KALRN: variants seen among roughly 807,000 people sequenced by gnomAD.
KALRN encodes kalirin RhoGEF kinase.
In KALRN, 70 loss-of-function variants were observed where a neutral mutation model predicts 353.7. That is an observed-to-expected ratio of 0.20 (90% CI 0.16 to 0.24). The LOEUF (loss-of-function observed/expected upper bound fraction) is 0.24, where lower values mean the gene tolerates loss of function less well. Ranked by LOEUF, KALRN falls within the 10% of genes least tolerant of loss-of-function variation. The pLI is 1.00. For synonymous variants in KALRN, 1,391 were observed against 1,434.8 expected, an observed-to-expected ratio of 0.97 and a Z score of 0.69; for missense variants, 2,791 against 3,756.7, an observed-to-expected ratio of 0.74 and a Z score of 6.72.
intron 13 of KALRN, among the ~76,000 whole-genome samples, chr3:124,411,657 G>C (rs1403496340): frequency 6.6e-6 from 1 of 151,760 alleles, no homozygotes; most frequent in African/African-American, 2.4e-5. Context: ...CGTTGACCAG[G>C]CTGGTCTTGA....
intron 1 of KALRN, among the ~76,000 whole-genome samples, chr3:124,040,177 G>A (rs912006517): frequency 3.9e-5 from 6 of 152,138 alleles, no homozygotes; most frequent in African/African-American, 1.4e-4. Context: ...ATAAACTGAA[G>A]CTACAGAAAG....
intron 34 of KALRN, among the ~76,000 whole-genome samples, chr3:124,584,140 G>A (rs1340696356): frequency 1.3e-5 from 2 of 152,182 alleles, no homozygotes; most frequent in South Asian, 2.1e-4. Context: ...TGGCAAAACT[G>A]AGCTTTGAAG....
chr3:124,565,071 C>T (rs986910), intron 34 of KALRN, among the ~76,000 whole-genome samples: 57,054 of 151,980 alleles, frequency 0.38, 11,311 homozygotes, highest in African/African-American at 0.51. Flanking sequence ...TAAAACACTC[C>T]GGTGTCTGGA....
intron 10 of KALRN, among the ~76,000 whole-genome samples, chr3:124,355,061 C>G (rs538871191): frequency 6.6e-6 from 1 of 152,264 alleles, no homozygotes; most frequent in South Asian, 2.1e-4. Context: ...CTGGAATCTC[C>G]TGGAAAAATC....
intron 47 of KALRN, among the ~76,000 whole-genome samples, chr3:124,667,897 C>A (rs562994223): frequency 6.6e-6 from 1 of 152,162 alleles, no homozygotes; most frequent in African/African-American, 2.4e-5. Flanking sequence ...AAGGGGTATG[C>A]GATTTTAAGC....
intron 10 of KALRN, among the ~76,000 whole-genome samples, chr3:124,364,892 C>T (rs2084471627): frequency 2.0e-5 from 3 of 152,208 alleles, no homozygotes; most frequent in Admixed American, 2.0e-4. Context: ...AGTGAGCTTT[C>T]CAAATCTGTA....
intron 1 of KALRN, among the ~76,000 whole-genome samples, chr3:124,050,846 T>G (rs1032505503): frequency 6.6e-5 from 10 of 152,148 alleles, no homozygotes; most frequent in African/African-American, 2.4e-4. Context: ...AAATCCTATT[T>G]TGGATGTCAA....
rs373343071 is a variant in KALRN at position 124,661,947 on chromosome 3, G to A, written c.6345+19G>A. 4.1e-5 allele frequency: 65 copies of A among 1,592,780 alleles called. No individual in the cohort carries two copies. Among genetic ancestry groups the A allele is most frequent in the Non-Finnish European group, 5.0e-5 (58 of 1,161,094 alleles). ...CTTTGAGGTGAGTCTTTAAGAATGC[G>A]TCTAAGCCCACTCTCTCCAGGACAA... On this transcript the variant is annotated intron_variant, in intron 45 of 59. Transcript: ENST00000682506.
intron 34 of KALRN, among the ~76,000 whole-genome samples, chr3:124,587,800 G>C (rs1360635237): frequency 6.8e-6 from 1 of 147,956 alleles, no homozygotes; most frequent in Non-Finnish European, 1.5e-5. Flanking sequence ...GGATCTCCTG[G>C]GCTCCCACCT....
intron 27 of KALRN, among the ~76,000 whole-genome samples, chr3:124,478,432 G>T (rs990973958): frequency 6.6e-6 from 1 of 152,182 alleles, no homozygotes; most frequent in Admixed American, 6.5e-5. Flanking sequence ...GCCTGGCACT[G>T]CCTCAACAGA....
Position 124,422,991 on chromosome 3 carries a change from C to T in KALRN, c.2709+13C>T, listed in dbSNP as rs1209800953. ...TGAAGTCAAACAGGTAAGCCCAGCCCTTCTTCCTTCAGCCTGGGTTTCTCA... is the reference window on the plus strand; with the variant it reads ...TGAAGTCAAACAGGTAAGCCCAGCCTTTCTTCCTTCAGCCTGGGTTTCTCA... On this transcript the variant is annotated intron_variant, in intron 15 of 59. Coordinates refer to ENST00000682506, the MANE Select transcript of KALRN (RefSeq NM_001388419.1). 1.9e-6 allele frequency: 3 copies of T among 1,611,390 alleles called. No homozygotes were observed. The highest frequency in any genetic ancestry group is 1.7e-5 in the Admixed American group (1 of 59,854).
intron 1 of KALRN, among the ~76,000 whole-genome samples, chr3:124,216,094 G>A (rs180771592): frequency 6.6e-6 from 1 of 152,296 alleles, no homozygotes; most frequent in East Asian, 1.9e-4. Flanking sequence ...CCAGCTCTTA[G>A]TAGCTCCATA....
chr3:124,125,938 C>T (rs886217214), intron 1 of KALRN, among the ~76,000 whole-genome samples: 3 of 152,148 alleles, frequency 2.0e-5, no homozygotes, highest in Admixed American at 6.5e-5. Context: ...TCTTGGTTTG[C>T]GTCCTGACTC....
At chr3:124,065,613 G>T (rs2042286855) in intron 1 of KALRN, among the ~76,000 whole-genome samples, 1 of 127,192 alleles carries the variant, frequency 7.9e-6, no homozygotes, top group African/African-American at 3.0e-5. Context: ...TTTTCCATAT[G>T]ACTAAAACAT....
chr3:124,604,441 C>T (rs756606906), intron 34 of KALRN, among the ~76,000 whole-genome samples: 5 of 152,012 alleles, frequency 3.3e-5, no homozygotes, highest in South Asian at 2.1e-4. Context: ...TTCTTTATAA[C>T]CTTGTGATCA....
intron 25 of KALRN, among the ~76,000 whole-genome samples, chr3:124,472,715 T>C (rs1343396184): frequency 6.6e-6 from 1 of 152,052 alleles, no homozygotes; most frequent in Non-Finnish European, 1.5e-5. Context: ...AATTATAACA[T>C]TATATAGCAC....
intron 16 of KALRN, among the ~76,000 whole-genome samples, chr3:124,434,042 C>T (rs576044030): frequency 6.6e-6 from 1 of 152,136 alleles, no homozygotes; most frequent in Non-Finnish European, 1.5e-5. Context: ...ACTGAAATGT[C>T]CTTAAAATCT....
chr3:124,046,209 A>G (rs2040462612), intron 1 of KALRN, among the ~76,000 whole-genome samples: 1 of 152,222 alleles, frequency 6.6e-6, no homozygotes, highest in Non-Finnish European at 1.5e-5. Context: ...AAGTCATAGG[A>G]AGAGACAATG....
chr3:124,042,763 G>A (rs1032642371), intron 1 of KALRN, among the ~76,000 whole-genome samples: 40 of 152,278 alleles, frequency 2.6e-4, no homozygotes, highest in African/African-American at 9.4e-4. Context: ...TGCATTTCAG[G>A]TGTCAGTGAA....
Sources: gnomAD v4.1 joint callset for allele counts (sites outside exome capture counted in the v4.1 genomes callset) on GRCh38, gnomAD v4.1.1 for gene constraint, MANE v1.5 for transcripts, NCBI Gene and HGNC (gene_info 2026-07-23, HGNC 2026-07-21) for gene names.